CIB1: variants seen among roughly 807,000 people sequenced by gnomAD.
CIB1 encodes the protein calcium and integrin binding 1.
A neutral mutation model predicts 25.0 loss-of-function variants in CIB1; 19 were observed. That is an observed-to-expected ratio of 0.76 (90% CI 0.53 to 1.12). The LOEUF (loss-of-function observed/expected upper bound fraction) is 1.12. Among genes scored for constraint, CIB1 ranks in the 50% most tolerant of loss-of-function variants. The pLI, the probability that CIB1 is intolerant of heterozygous loss-of-function variation, is 0.00. For synonymous variants in CIB1, 104 were observed against 98.5 expected (o/e 1.06, Z -0.33); for missense variants, 236 against 242.6 (o/e 0.97, Z 0.18).
At chr15:90,263,272 T>G in the CIB1 span, 1 of 843,902 alleles carries the variant, frequency 1.2e-6, no homozygotes, top group Non-Finnish European at 1.8e-6. Context: ...GAAAGCAGAG[T>G]GCGCTAGCTG....
chr15:90,238,091 G>A (rs150221103), upstream of CIB1, among the ~76,000 whole-genome samples: 2 of 152,300 alleles, frequency 1.3e-5, no homozygotes, highest in African/African-American at 4.8e-5. Flanking sequence ...CCTGAGGTCA[G>A]GAGTTCGAGA....
At chr15:90,253,122 G>A in the CIB1 span, 25 of 607,956 alleles carry the variant, frequency 4.1e-5, no homozygotes, top group African/African-American at 4.4e-4. Flanking sequence ...ACAGGGCTGA[G>A]GCAAGAACTA....
chr15:90,253,265 A>T, the CIB1 span: 10 of 1,613,710 alleles, frequency 6.2e-6, no homozygotes, highest in Admixed American at 8.3e-5. Context: ...GGGCAGCCCA[A>T]ATGTGTGGCC....
chr15:90,265,584 C>A, the CIB1 span: 2 of 1,402,800 alleles, frequency 1.4e-6, no homozygotes, highest in Non-Finnish European at 1.9e-6. Context: ...CAGATCTTAC[C>A]CCCACCAAGT....
At chr15:90,251,383 C>G in the CIB1 span, among the ~76,000 whole-genome samples, 1 of 151,110 alleles carries the variant, frequency 6.6e-6, no homozygotes, top group African/African-American at 2.4e-5. Flanking sequence ...CTCGGCCTCC[C>G]AAAGTGCTGG....
Position 90,231,186 on chromosome 15 carries a change from C to CTGTTCAAGG in CIB1, c.365_373dup (p.Thr122_Asn124dup). The CTGTTCAAGG allele has an allele frequency of 6.2e-7, 1 of 1,613,110 alleles. No homozygotes were observed. The highest frequency in any genetic ancestry group is 1.7e-5 in the Admixed American group (1 of 59,782). ...GTTCACCAGCCGGCTCAGGTCTTCT[C>CTGTTCAAGG]TGTTCAAGGTTCCGTCATCATCAAA... On this transcript the variant is annotated inframe_insertion, in exon 5 of 7. Coordinates refer to ENST00000328649, the MANE Select transcript of CIB1 (RefSeq NM_006384.4).
chr15:90,234,697 C>T (rs1223909185), upstream of CIB1: 1 of 152,246 alleles, frequency 6.6e-6, no homozygotes, highest in Non-Finnish European at 1.5e-5. Flanking sequence ...CAGTCCAAGG[C>T]ACTTTTAAAG....
At chr15:90,256,609 CCT>C in the CIB1 span, among the ~76,000 whole-genome samples, 653 of 40,526 alleles carry the variant, frequency 0.016, 19 homozygotes, top group African/African-American at 0.076. Flanking sequence ...TTCTTTCTTT[CCT>C]TCCTTCCTTC....
the CIB1 span, among the ~76,000 whole-genome samples, chr15:90,253,666 G>C: frequency 7.9e-5 from 12 of 152,280 alleles, no homozygotes; most frequent in Admixed American, 7.2e-4. Flanking sequence ...ATCTTAGGGA[G>C]AATACTGGGA....
the CIB1 span, chr15:90,250,499 G>A: frequency 1.8e-6 from 2 of 1,132,466 alleles, no homozygotes; most frequent in Non-Finnish European, 2.5e-6. Context: ...GTCCTGAAGG[G>A]GCAGCAACTT....
upstream of CIB1, chr15:90,238,486 A>G (rs913066007): frequency 6.6e-6 from 1 of 152,210 alleles, no homozygotes; most frequent in Non-Finnish European, 1.5e-5. Flanking sequence ...TTTTATTAAC[A>G]TGAAGTTTCT....
the CIB1 span, chr15:90,242,169 C>CCCCAGAGGTGGAGG: frequency 3.1e-6 from 3 of 964,004 alleles, no homozygotes; most frequent in Non-Finnish European, 4.5e-6. Flanking sequence ...CTCACTGTAG[C>CCCCAGAGGTGGAGG]CTCCACCTCT....
chr15:90,251,199 C>T, the CIB1 span, among the ~76,000 whole-genome samples: 3 of 146,892 alleles, frequency 2.0e-5, no homozygotes, highest in Non-Finnish European at 4.5e-5. Flanking sequence ...CGGCAAGCTC[C>T]GCCTCCCGGG....
the CIB1 span, chr15:90,242,163 C>A: frequency 1.0e-6 from 1 of 1,002,564 alleles, no homozygotes; most frequent in Non-Finnish European, 1.4e-6. Context: ...TCCTGGCTCA[C>A]TGTAGCCTCC....
chr15:90,262,702 C>A, the CIB1 span: 1 of 1,448,472 alleles, frequency 6.9e-7, no homozygotes. Context: ...TATCTTTCCA[C>A]AGGAAAATGG....
intron 6 of CIB1, 108 bp from the exon 7 acceptor site, chr15:90,230,613 C>T: frequency 2.5e-6 from 3 of 1,212,960 alleles, no homozygotes; most frequent in Non-Finnish European, 3.6e-6. Context: ...GGGCTATGTT[C>T]CGTGTGTCAG....
At chr15:90,231,804 G>C (rs749638530) in intron 3 of CIB1, among the ~76,000 whole-genome samples, 3 of 152,228 alleles carry the variant, frequency 2.0e-5, no homozygotes, top group Admixed American at 6.5e-5. Flanking sequence ...CAAAGGGAAC[G>C]AGATGGGCTG....
Position 90,230,349 on chromosome 15 carries a change from G to A in CIB1, c.*135C>T, listed in dbSNP as rs1299288209. 13 of 1,008,948 alleles carry A rather than the reference G, an allele frequency of 1.3e-5. No individual in the cohort carries two copies. The highest frequency in any genetic ancestry group is 6.5e-5 in the African/African-American group (4 of 61,456). 62.5% of individuals were successfully genotyped at this position (1,008,948 alleles called of 1,614,324 possible). A position where few individuals can be genotyped will look rare whatever the true frequency, so the allele number is the denominator to read the frequency against. Reference sequence around the variant, plus strand: ...CTGACAACGAGGGCCGCCCCTGCCCGGGGTGAGGCTGCACAGCGCCAGCTC... The same window carrying A: ...CTGACAACGAGGGCCGCCCCTGCCCAGGGTGAGGCTGCACAGCGCCAGCTC... On this transcript the variant is annotated 3_prime_UTR_variant, in exon 7 of 7. Transcript: ENST00000328649.
chr15:90,253,805 C>G, the CIB1 span, among the ~76,000 whole-genome samples: 1 of 152,192 alleles, frequency 6.6e-6, no homozygotes, highest in Non-Finnish European at 1.5e-5. Flanking sequence ...GAATGATCCA[C>G]CGGGGTCCAC....
Sources: allele counts gnomAD v4.1 joint callset (sites outside exome capture counted in the v4.1 genomes callset), GRCh38; gene constraint gnomAD v4.1.1; transcripts MANE v1.5; gene names NCBI Gene and HGNC (gene_info 2026-07-23, HGNC 2026-07-21).